PIEZO1: variants seen among roughly 807,000 people sequenced by gnomAD.
PIEZO1 encodes the protein piezo type mechanosensitive ion channel component 1 (Er blood group), also known as piezo-type mechanosensitive ion channel component 1.
In PIEZO1, 296 loss-of-function variants were observed where a neutral mutation model predicts 297.2. That is an observed-to-expected ratio of 1.00 (90% CI 0.91 to 1.10). The LOEUF (loss-of-function observed/expected upper bound fraction) is 1.10, where lower values mean the gene tolerates loss of function less well. PIEZO1 is among the 50% of genes least tolerant of loss of function. The pLI, the probability that PIEZO1 is intolerant of heterozygous loss-of-function variation, is 0.00. For synonymous variants in PIEZO1, 2,427 were observed against 1,507.5 expected (o/e 1.61, Z -14.13); for missense variants, 5,018 against 3,455.5 (o/e 1.45, Z -11.34).
intron 36 of PIEZO1, 51 bp from the exon 37 acceptor site, chr16:88,722,117 G>A: frequency 6.5e-7 from 1 of 1,527,068 alleles, no homozygotes. Flanking sequence ...CCGAAGGCAT[G>A]ACGGCCCGAT....
intron 22 of PIEZO1, among the ~76,000 whole-genome samples, chr16:88,728,044 C>T (rs1904581566): frequency 6.6e-6 from 1 of 152,264 alleles, no homozygotes; most frequent in Non-Finnish European, 1.5e-5. Flanking sequence ...CAACCTGCAG[C>T]AACCACAGCT....
rs1474323285 is a variant in PIEZO1 at position 88,716,074 on chromosome 16, T to TC, written c.7174dup (p.Glu2392GlyfsTer34). The TC allele has an allele frequency of 6.5e-7, 1 of 1,549,788 alleles. No homozygotes were observed. Among genetic ancestry groups the TC allele is most frequent in the Non-Finnish European group, 8.7e-7 (1 of 1,146,752 alleles). On this transcript the variant is annotated frameshift_variant, in exon 50 of 51. Transcript: ENST00000301015. LOFTEE classifies it high-confidence loss of function. The stretch of plus-strand genomic sequence containing the variant: ...GAAGCCGGTGGCCCCCGCACCCTGC[T>TC]CCCTCCGCAGCTGGATACGCACGCC...
At chr16:88,750,480 T>G (rs1312207366) in intron 1 of PIEZO1, among the ~76,000 whole-genome samples, 2 of 152,230 alleles carry the variant, frequency 1.3e-5, no homozygotes, top group Non-Finnish European at 2.9e-5. Context: ...CCCCACACCA[T>G]GTCCCGTGTC....
At chr16:88,742,797 C>G (rs1905773598) in intron 2 of PIEZO1, 1 of 341,824 alleles carries the variant, frequency 2.9e-6, no homozygotes, top group South Asian at 2.3e-5. Flanking sequence ...AGAAGCTCCA[C>G]CTCACCCCAG....
At position 88,776,269 on chromosome 16, in the gene PIEZO1, C is replaced by T. The variant is rs918976144; in HGVS notation, c.64+8632G>A. Among the ~76,000 whole-genome samples, 5 of 152,244 alleles carry T rather than the reference C, an allele frequency of 3.3e-5. No individual in the cohort carries two copies. The South Asian group carries it at 8.3e-4, about 25-fold the overall frequency. ...TTAACACGGTGAAACCCCGTCTCTA[C>T]TAAAAATACAAAAAATTAGCGGAGT... On this transcript the variant is annotated intron_variant, in intron 1 of 50. Transcript: ENST00000301015.
rs1325129691 is a variant in PIEZO1 at position 88,736,401 on chromosome 16, C to T, written c.1304G>A (p.Ser435Asn). ...VCALIAMMVW[S>N]ITYHSWLTFV... ...GGTCAGCCAGCTGTGGTAGGTGATG[C>T]TCCATACCTGCGCGGCAGAGAGGGC... The change falls in exon 12 of 51, where the codon AGC becomes AAC. Residue 435 changes from serine to asparagine, a missense_variant. By Grantham distance (46) the Ser-to-Asn change is conservative. Coordinates refer to ENST00000301015, the MANE Select transcript of PIEZO1 (RefSeq NM_001142864.4). 1.3e-6 allele frequency: 2 copies of T among 1,547,462 alleles called. No homozygotes were observed. The highest frequency in any genetic ancestry group is 1.2e-5 in the South Asian group (1 of 84,000).
At chr16:88,766,343 A>G (rs1246632616) in intron 1 of PIEZO1, among the ~76,000 whole-genome samples, 1 of 152,216 alleles carries the variant, frequency 6.6e-6, no homozygotes, top group East Asian at 1.9e-4. Flanking sequence ...AGACTGCAAC[A>G]GCGGCTCTTG....
chr16:88,784,808 C>T, intron 1 of PIEZO1, 93 bp downstream of exon 1: 1 of 941,674 alleles, frequency 1.1e-6, no homozygotes, highest in Non-Finnish European at 1.5e-6. Context: ...CGCCCGCAGC[C>T]CTCGCCCCGG....
Position 88,720,721 on chromosome 16 carries a change from C to T in PIEZO1, c.5696G>A (p.Gly1899Glu), listed in dbSNP as rs1030409216. 2.6e-6 allele frequency: 4 copies of T among 1,524,992 alleles called. No homozygotes were observed. The highest frequency in any genetic ancestry group is 2.2e-5 in the Admixed American group (1 of 45,864). 94.5% of individuals were successfully genotyped at this position (1,524,992 alleles called of 1,614,324 possible). A position where few individuals can be genotyped will look rare whatever the true frequency, so the allele number is the denominator to read the frequency against. Reference sequence around the variant, plus strand: ...CGTGGGGGCCTCTTTCTCTTCCTCCCCCTCTTCTTCCTCCCTGTCCTCAGC... The same window carrying T: ...CGTGGGGGCCTCTTTCTCTTCCTCCTCCTCTTCTTCCTCCCTGTCCTCAGC... ...IEAEDREEEE[G>E]EEEKEAPTGR... The change falls in exon 40 of 51, where the codon GGG (glycine) becomes GAG (glutamate). Residue 1899 changes from glycine (G) to glutamate (E), a missense_variant. Gly to Glu is a moderately conservative substitution (Grantham distance 98). Transcript: ENST00000301015.
intron 2 of PIEZO1, chr16:88,742,744 C>T (rs900732640): frequency 3.8e-5 from 14 of 372,858 alleles, no homozygotes; most frequent in African/African-American, 2.5e-4. Flanking sequence ...TACCTGTCAC[C>T]GTTCAGTTGT....
At chr16:88,731,383 C>T (rs144565599) in intron 22 of PIEZO1, 145 of 332,144 alleles carry the variant, frequency 4.4e-4, no homozygotes, top group African/African-American at 1.5e-3. Flanking sequence ...TGAGGCATCA[C>T]GGCCGACCCG....
Position 88,761,530 on chromosome 16 carries a change from G to A in PIEZO1, c.65-12051C>T, listed in dbSNP as rs192371483. 7.4e-4 allele frequency among the ~76,000 whole-genome samples: 112 copies of A among 152,306 alleles called. No homozygotes were observed. The East Asian group carries it at 0.014, about 19-fold the overall frequency. On this transcript the variant is annotated intron_variant, in intron 1 of 50. Transcript: ENST00000301015. ...ACACCATGGCAATGGTTGTGCTTGC[G>A]GGGTGGGGGCGGGTGAGCTGGGAGG...
rs1030234302 is a variant in PIEZO1, at chr16:88,741,519, G to A, written c.424C>T (p.Leu142Phe). Residue 142 changes from leucine (L) to phenylalanine (F), a missense_variant, in exon 5 of 51, where the codon CTT (leucine) becomes TTT (phenylalanine). Coordinates refer to ENST00000301015, the MANE Select transcript of PIEZO1 (RefSeq NM_001142864.4). ...SSVCLGICGR[L>F]ARNTRQSPHP... ...GGGCTCTGCCGGGTGTTCCTTGCAA[G>A]GCGCCCGCAGATGCCGAGGCAGACA... The A allele has an allele frequency of 4.6e-6, 7 of 1,535,746 alleles. No individual in the cohort carries two copies. The East Asian group carries it at 9.8e-5, about 21-fold the overall frequency.
At chr16:88,749,026 A>G (rs947949516) in intron 2 of PIEZO1, among the ~76,000 whole-genome samples, 5 of 150,290 alleles carry the variant, frequency 3.3e-5, no homozygotes, top group Non-Finnish European at 4.4e-5. Context: ...TCACAAGGTC[A>G]GGAGATCGAG....
chr16:88,733,022 G>GCC, intron 19 of PIEZO1: 2 of 581,200 alleles, frequency 3.4e-6, no homozygotes, highest in Non-Finnish European at 6.1e-6. Context: ...CAGGGGTGGG[G>GCC]CCCTCCCGTC....
Position 88,733,990 on chromosome 16 carries a change from G to A in PIEZO1, c.2245C>T (p.Gln749Ter), listed in dbSNP as rs62639697. 2.5e-6 allele frequency: 3 copies of A among 1,191,898 alleles called. No homozygotes were observed. Among genetic ancestry groups the A allele is most frequent in the African/African-American group, 3.1e-5 (2 of 63,982 alleles). The allele number at this position is 1,191,898 out of a possible 1,614,324, so 73.8% of individuals were successfully genotyped here. A position where few individuals can be genotyped will look rare whatever the true frequency, so the allele number is the denominator to read the frequency against. The change falls in exon 17 of 51, where the codon CAG (glutamine) becomes TAG (stop). Residue 749 changes from glutamine (Q) to a stop codon, truncating the protein, a stop_gained. Transcript: ENST00000301015. LOFTEE classifies it high-confidence loss of function. ...EEQQEHQQQQQEEEEEEEDSR... is the reference protein window; with the variant it reads ...EEQQEHQQQQ Reference sequence around the variant, plus strand: ...TCCTCCTCCTCCTCCTCCTCCTCCTGCTGCTGCTGCTGATGCTCCTGCTGC... The same window carrying A: ...TCCTCCTCCTCCTCCTCCTCCTCCTACTGCTGCTGCTGATGCTCCTGCTGC...
At chr16:88,719,769 C>T in intron 43 of PIEZO1, 33 bp downstream of exon 43, 3 of 1,550,272 alleles carry the variant, frequency 1.9e-6, no homozygotes, top group Non-Finnish European at 2.6e-6. Context: ...CATGCCCGGG[C>T]CGTGACCCCC....
intron 47 of PIEZO1, 29 bp downstream of exon 47, chr16:88,716,530 C>A (rs1180262275): frequency 6.5e-7 from 1 of 1,536,748 alleles, no homozygotes; most frequent in Non-Finnish European, 8.8e-7. Flanking sequence ...GTCCACCCAC[C>A]CAGGCACTGC....
intron 30 of PIEZO1, among the ~76,000 whole-genome samples, chr16:88,724,709 A>C (rs1235564064): frequency 2.0e-5 from 3 of 152,098 alleles, no homozygotes; most frequent in African/African-American, 7.2e-5. Context: ...AGAAACAAAA[A>C]CAGAATAACG....
Sources: allele counts gnomAD v4.1 joint callset (sites outside exome capture counted in the v4.1 genomes callset), GRCh38; gene constraint gnomAD v4.1.1; transcripts MANE v1.5; gene names NCBI Gene and HGNC (gene_info 2026-07-23, HGNC 2026-07-21).